Variants in AGPS observed in about 807,000 individuals in gnomAD.
The protein encoded by AGPS is alkylglycerone phosphate synthase.
A neutral mutation model predicts 90.7 loss-of-function variants in AGPS; 26 were observed. The ratio of observed to expected loss-of-function variants is 0.29; its 90% confidence interval spans 0.21 to 0.40. AGPS has a LOEUF of 0.40. Ranked by LOEUF, AGPS falls within the 10% of genes least tolerant of loss-of-function variation. The pLI is 1.00. For missense variants in AGPS, 540 were observed against 816.1 expected, an observed-to-expected ratio of 0.66 and a Z score of 4.12; for synonymous variants, 294 against 285.3, an observed-to-expected ratio of 1.03 and a Z score of -0.31.
Position 177,420,334 on chromosome 2 carries a change from G to A in AGPS, c.326G>A (p.Gly109Asp). The A allele has an allele frequency of 3.1e-6, 5 of 1,609,284 alleles. No individual in the cohort carries two copies. The highest frequency in any genetic ancestry group is 4.3e-6 in the Non-Finnish European group (5 of 1,176,178). ...TCTAAATTCATCTTCAATAAGAAGG[G>A]CCAAATTGAATTGACTGGGAAAAGG... The part of the protein sequence containing the change: ...NDSKFIFNKK[G>D]QIELTGKRYP... The change falls in exon 2 of 20, where the codon GGC becomes GAC. Residue 109 changes from glycine (G) to aspartate (D), a missense_variant. This residue lies in a region of AGPS where 405 missense variants were observed against 692.1 expected (regional missense o/e 0.59). Transcript: ENST00000264167.
intron 9 of AGPS, among the ~76,000 whole-genome samples, chr2:177,464,717 C>G (rs1179572458): frequency 6.6e-6 from 1 of 152,228 alleles, no homozygotes; most frequent in Admixed American, 6.5e-5. Flanking sequence ...CTTTCTTGTG[C>G]TAGTGTTACA....
chr2:177,432,580 A>T (rs1021311840), intron 2 of AGPS, among the ~76,000 whole-genome samples: 2 of 152,372 alleles, frequency 1.3e-5, no homozygotes, highest in Admixed American at 1.3e-4. Context: ...AATATTGTGC[A>T]TTCAGATATA....
chr2:177,478,728 G>T (rs957476005), intron 10 of AGPS, among the ~76,000 whole-genome samples: 1 of 151,774 alleles, frequency 6.6e-6, no homozygotes, highest in African/African-American at 2.4e-5. Context: ...TTAATGATGT[G>T]ACATTGTCAT....
At chr2:177,449,891 G>A (rs1282639796) in intron 8 of AGPS, among the ~76,000 whole-genome samples, 1 of 151,604 alleles carries the variant, frequency 6.6e-6, no homozygotes, top group Non-Finnish European at 1.5e-5. Flanking sequence ...AGGCTGGAGT[G>A]CAGTGGTGTG....
intron 3 of AGPS, among the ~76,000 whole-genome samples, chr2:177,435,001 A>ATATG (rs1559044515): frequency 6.9e-6 from 1 of 143,982 alleles, no homozygotes; most frequent in East Asian, 2.0e-4. Flanking sequence ...CTGTAGGTAT[A>ATATG]TATATATATA....
intron 2 of AGPS, among the ~76,000 whole-genome samples, chr2:177,422,642 A>G (rs1012984855): frequency 3.3e-5 from 5 of 152,188 alleles, no homozygotes; most frequent in African/African-American, 1.2e-4. Context: ...AAACGTATAA[A>G]TGGGATTTAG....
chr2:177,426,344 A>G (rs144659220), intron 2 of AGPS, among the ~76,000 whole-genome samples: 3 of 152,342 alleles, frequency 2.0e-5, no homozygotes, highest in Middle Eastern at 3.4e-3. Flanking sequence ...GCAAACAGAA[A>G]CAGTTTGACT....
At chr2:177,537,275 T>A (rs1306012228) in intron 19 of AGPS, among the ~76,000 whole-genome samples, 4 of 152,160 alleles carry the variant, frequency 2.6e-5, no homozygotes, top group African/African-American at 9.6e-5. Context: ...ATGTTTTTCA[T>A]TGAGTACCTT....
intron 12 of AGPS, among the ~76,000 whole-genome samples, chr2:177,494,628 T>C (rs1688361161): frequency 6.6e-6 from 1 of 152,164 alleles, no homozygotes; most frequent in Non-Finnish European, 1.5e-5. Flanking sequence ...AAGAAAGTCT[T>C]CCTGTCATCC....
At chr2:177,418,064 CA>C (rs1483820242) in intron 1 of AGPS, among the ~76,000 whole-genome samples, 1 of 151,882 alleles carries the variant, frequency 6.6e-6, no homozygotes, top group East Asian at 1.9e-4. Flanking sequence ...AAATGCATTC[CA>C]AATGCCTACA....
chr2:177,393,147 T>G (rs1417814037), intron 1 of AGPS, 98 bp downstream of exon 1: 1 of 1,547,940 alleles, frequency 6.5e-7, no homozygotes, highest in Non-Finnish European at 8.7e-7. Context: ...GTGACACGGG[T>G]GGGCGGAAGG....
chr2:177,501,312 T>A (rs1248329058), intron 14 of AGPS, among the ~76,000 whole-genome samples: 1 of 152,158 alleles, frequency 6.6e-6, no homozygotes, highest in Non-Finnish European at 1.5e-5. Context: ...GTTTTTAGGA[T>A]CTATCTTTAT....
chr2:177,470,710 C>CAA lies in AGPS; in HGVS notation c.1105+2200_1105+2201dup, dbSNP rs369412625. Among the ~76,000 whole-genome samples the CAA allele has an allele frequency of 7.1e-3, 767 of 108,140 alleles. 19 individuals carry two copies. The highest frequency in any genetic ancestry group is 0.023 in the African/African-American group (613 of 26,460). The allele number at this position is 108,140 out of a possible 152,430, so 70.9% of individuals were successfully genotyped here. On this transcript the variant is annotated intron_variant, in intron 10 of 19. Transcript: ENST00000264167. Reference sequence around the variant, plus strand: ...TGGGTGATGGAGTGAGACTTTGTCTCAAAAAAAAAAAAAAAGAAAAAAAAA... The same window carrying CAA: ...TGGGTGATGGAGTGAGACTTTGTCTCAAAAAAAAAAAAAAAAAGAAAAAAAAA...
chr2:177,501,309 G>A (rs904455114), intron 14 of AGPS, among the ~76,000 whole-genome samples: 1 of 151,958 alleles, frequency 6.6e-6, no homozygotes, highest in African/African-American at 2.4e-5. Context: ...TCAGTTTTTA[G>A]GATCTATCTT....
chr2:177,428,466 TC>T (rs1232527191), intron 2 of AGPS, among the ~76,000 whole-genome samples: 2 of 152,232 alleles, frequency 1.3e-5, no homozygotes, highest in Non-Finnish European at 2.9e-5. Context: ...TAACCATTTT[TC>T]TTTTTCATAT....
At chr2:177,428,787 T>G (rs553759430) in intron 2 of AGPS, among the ~76,000 whole-genome samples, 1 of 152,268 alleles carries the variant, frequency 6.6e-6, no homozygotes, top group Admixed American at 6.5e-5. Flanking sequence ...ATCTGATGAT[T>G]ATGTGTCTTG....
chr2:177,467,077 C>A (rs532314274), intron 9 of AGPS, among the ~76,000 whole-genome samples: 1 of 151,990 alleles, frequency 6.6e-6, no homozygotes, highest in Non-Finnish European at 1.5e-5. Flanking sequence ...GGTCATGCCA[C>A]CCCCACTGCA....
At chr2:177,454,399 G>A (rs1354584723) in intron 8 of AGPS, among the ~76,000 whole-genome samples, 3 of 151,414 alleles carry the variant, frequency 2.0e-5, no homozygotes, top group Non-Finnish European at 2.9e-5. Flanking sequence ...TTTAATTTGG[G>A]CCTTTTTATA....
intron 14 of AGPS, among the ~76,000 whole-genome samples, chr2:177,504,077 T>C (rs1688639054): frequency 6.6e-6 from 1 of 152,216 alleles, no homozygotes; most frequent in East Asian, 1.9e-4. Context: ...TTCTCTTTTC[T>C]CAAATATTCC....
Sources: gnomAD v4.1 joint callset for allele counts (sites outside exome capture counted in the v4.1 genomes callset) on GRCh38, gnomAD v4.1.1 for gene constraint, gnomAD v4.1.1 regional missense constraint, MANE v1.5 for transcripts, NCBI Gene and HGNC (gene_info 2026-07-23, HGNC 2026-07-21) for gene names.